Variants in IQSEC1 observed in about 807,000 individuals in gnomAD.
IQSEC1 encodes IQ motif and SEC7 domain-containing protein 1.
Under a neutral mutation model 91.0 loss-of-function variants are expected in IQSEC1, and 31 were observed. The observed-to-expected ratio is 0.34, with a 90% CI of 0.26 to 0.46. The LOEUF (loss-of-function observed/expected upper bound fraction) is 0.46. IQSEC1 is among the 20% of genes least tolerant of loss of function. The pLI, the probability that IQSEC1 is intolerant of heterozygous loss-of-function variation, is 1.00. For synonymous variants in IQSEC1, 699 were observed against 662.6 expected, an observed-to-expected ratio of 1.05 and a Z score of -0.84; for missense variants, 1,388 against 1,575.6, an observed-to-expected ratio of 0.88 and a Z score of 2.02.
In IQSEC1 at chr3:12,983,363, G is replaced by C. The variant is rs1159131475; in HGVS notation, c.24-41498C>G. On this transcript the variant is annotated intron_variant, in intron 1 of 13. Transcript: ENST00000613206. This position sits in a 1 kb window ranked among gnomAD's most constrained non-coding sequence, Gnocchi z 4.3. ...GTGGCGTGGTGACAACTGCAGTCTG[G>C]GTGCTGGCTTGGGGGCGGGTGAGGA... Among the ~76,000 whole-genome samples, 2 of 152,302 alleles carry C rather than the reference G, an allele frequency of 1.3e-5. No homozygotes were observed. Among genetic ancestry groups the C allele is most frequent in the East Asian group, 3.9e-4 (2 of 5,188 alleles).
rs545583886 is a variant in IQSEC1 at position 13,211,826 on chromosome 3, G to A, written c.273-47693C>T. On this transcript the variant is annotated intron_variant, in intron 1 of 15. Coordinates refer to the IQSEC1 transcript ENST00000648114. The surrounding 1 kb of genome is among the most constrained non-coding windows in gnomAD (Gnocchi z 5.3). ...TCCCTAAAAGCCCACGGCAAATGCC[G>A]CACCCTCCATGCAGCCCTCGCCCAC... Among the ~76,000 whole-genome samples the A allele has an allele frequency of 9.8e-4, 149 of 152,262 alleles. No homozygotes were observed. Among genetic ancestry groups the A allele is most frequent in the African/African-American group, 2.9e-3 (122 of 41,550 alleles).
chr3:13,209,456 C>A (rs1350632852), intron 1 of IQSEC1, among the ~76,000 whole-genome samples: 3 of 152,228 alleles, frequency 2.0e-5, no homozygotes, highest in Non-Finnish European at 4.4e-5. Flanking sequence ...CCCAAGGCCT[C>A]CATGCATGCC....
chr3:13,087,669 TC>T (rs1705761334), intron 2 of IQSEC1, among the ~76,000 whole-genome samples: 1 of 152,248 alleles, frequency 6.6e-6, no homozygotes, highest in Non-Finnish European at 1.5e-5. Flanking sequence ...TCACTTGCTG[TC>T]TTCGTCTATT....
intron 1 of IQSEC1, among the ~76,000 whole-genome samples, chr3:13,064,764 T>G (rs944075674): frequency 6.6e-6 from 1 of 152,252 alleles, no homozygotes; most frequent in Non-Finnish European, 1.5e-5. Context: ...CAGACTCGGA[T>G]AGTTGCTCGC....
chr3:12,952,733 G>A (rs150312611), intron 1 of IQSEC1, among the ~76,000 whole-genome samples: 2 of 152,316 alleles, frequency 1.3e-5, no homozygotes, highest in East Asian at 3.9e-4. Context: ...ACCTGTGCAG[G>A]TGCTGTTCCC....
chr3:13,055,109 C>A (rs957637356), intron 1 of IQSEC1, among the ~76,000 whole-genome samples: 3 of 152,342 alleles, frequency 2.0e-5, no homozygotes, highest in African/African-American at 4.8e-5. Context: ...GGGCTTGGGG[C>A]CCCACCACTG....
rs138488153 is a variant in IQSEC1, at chr3:13,051,637, A to T, written c.23+21355T>A. On this transcript the variant is annotated intron_variant, in intron 1 of 13. Coordinates refer to ENST00000613206, the MANE Select transcript of IQSEC1 (RefSeq NM_001134382.3). The stretch of plus-strand genomic sequence containing the variant: ...TCAATTTACACGAAGACAAAAACCA[A>T]ACCGTCTGCCTCACGTTCAGTCTCC... Among the ~76,000 whole-genome samples the T allele has an allele frequency of 1.9e-3, 292 of 152,332 alleles. 1 individual carries two copies. The highest frequency in any genetic ancestry group is 1.8e-3 in the Non-Finnish European group (124 of 68,034).
chr3:13,215,607 T>G (rs1559279048), intron 1 of IQSEC1, among the ~76,000 whole-genome samples: 1 of 152,166 alleles, frequency 6.6e-6, no homozygotes, highest in East Asian at 1.9e-4. Flanking sequence ...GTTGCACAGA[T>G]AATAAAACAC....
At chr3:12,947,153 A>G (rs1393428952) in intron 1 of IQSEC1, among the ~76,000 whole-genome samples, 1 of 152,222 alleles carries the variant, frequency 6.6e-6, no homozygotes, top group Admixed American at 6.5e-5. Context: ...CCCCATCATC[A>G]AGCCTCTGAC....
At chr3:13,080,769 C>T (rs1308775978) in intron 2 of IQSEC1, among the ~76,000 whole-genome samples, 3 of 152,182 alleles carry the variant, frequency 2.0e-5, no homozygotes, top group Non-Finnish European at 4.4e-5. Flanking sequence ...CCCCAGCCCC[C>T]GCCCTGCCGC....
At chr3:12,921,024 G>C (rs922061830) in intron 5 of IQSEC1, among the ~76,000 whole-genome samples, 3 of 152,170 alleles carry the variant, frequency 2.0e-5, no homozygotes, top group African/African-American at 7.2e-5. Context: ...CACCAGCTCA[G>C]AGGGAGAAGC....
At chr3:13,028,988 C>T (rs557985462) in intron 1 of IQSEC1, among the ~76,000 whole-genome samples, 1 of 152,298 alleles carries the variant, frequency 6.6e-6, no homozygotes, top group South Asian at 2.1e-4. Flanking sequence ...TCTTCATCCA[C>T]AACATGGGGA....
chr3:13,072,983 T>C lies in IQSEC1; in HGVS notation c.23+9A>G. On this transcript the variant is annotated intron_variant, in intron 1 of 13. Transcript: ENST00000613206. The stretch of plus-strand genomic sequence containing the variant: ...TGGCTTCAGGCAGAAACCTGCCACA[T>C]ATACTCACAAATAGCGTCTTCTGCA... The C allele has an allele frequency of 6.4e-7, 1 of 1,551,426 alleles. No homozygotes were observed. The highest frequency in any genetic ancestry group is 1.2e-5 in the South Asian group (1 of 84,068).
chr3:13,073,352 C>A lies in IQSEC1; in HGVS notation c.-338G>T, dbSNP rs62232913. 0.21 allele frequency among the ~76,000 whole-genome samples: 32,674 copies of A among 152,170 alleles called. 3,525 individuals are homozygous for A. The highest frequency in any genetic ancestry group is 0.36 in the Middle Eastern group (106 of 292). On this transcript the variant is annotated 5_prime_UTR_variant, in exon 1 of 14. Coordinates refer to ENST00000613206, the MANE Select transcript of IQSEC1 (RefSeq NM_001134382.3). ...CCACCTTGGGGTTTTTCCCTCCCGT[C>A]CATCCGGGGTGCGGGGCGCGGGGAT...
At chr3:13,268,204 C>T (rs1038419769) in intron 1 of IQSEC1, among the ~76,000 whole-genome samples, 5 of 152,208 alleles carry the variant, frequency 3.3e-5, no homozygotes, top group African/African-American at 1.2e-4. Context: ...AGACACGAAG[C>T]AGGATGCCAA....
intron 1 of IQSEC1, among the ~76,000 whole-genome samples, chr3:12,968,768 C>T (rs976674212): frequency 3.3e-5 from 5 of 152,238 alleles, no homozygotes; most frequent in South Asian, 2.1e-4. Flanking sequence ...TCCTGGGCCA[C>T]CCACCTACAA....
intron 1 of IQSEC1, among the ~76,000 whole-genome samples, chr3:13,252,819 G>A (rs999538000): frequency 2.7e-4 from 41 of 151,964 alleles, no homozygotes; most frequent in Admixed American, 2.0e-4. Context: ...TGCCAGCTCC[G>A]CTTCCCGGGT....
chr3:13,085,556 C>T (rs1161369449), intron 2 of IQSEC1, among the ~76,000 whole-genome samples: 1 of 152,210 alleles, frequency 6.6e-6, no homozygotes, highest in East Asian at 1.9e-4. Flanking sequence ...CTGCAGGAGA[C>T]GGGGTGTCCA....
At chr3:13,009,732 A>G (rs1362043840) in intron 1 of IQSEC1, among the ~76,000 whole-genome samples, 2 of 152,058 alleles carry the variant, frequency 1.3e-5, no homozygotes, top group South Asian at 2.1e-4. Flanking sequence ...TCTTATCTAT[A>G]TAAGGAAACA....
Sources: allele counts gnomAD v4.1 joint callset (sites outside exome capture counted in the v4.1 genomes callset), GRCh38; gene constraint gnomAD v4.1.1; non-coding constraint Gnocchi (gnomAD v3.1); transcripts MANE v1.5; gene names NCBI Gene and HGNC (gene_info 2026-07-23, HGNC 2026-07-21).